The following NTNG1 variants were observed in gnomAD, a reference collection of about 807,000 sequenced individuals.
NTNG1 encodes netrin G1.
In NTNG1, 16 loss-of-function variants were observed where a neutral mutation model predicts 54.0. The observed-to-expected ratio is 0.30, with a 90% CI of 0.20 to 0.45. NTNG1 has a LOEUF of 0.45. NTNG1 is among the 20% of genes least tolerant of loss of function. The probability of loss-of-function intolerance (pLI) is 1.00; values close to 1 mark genes in which losing one functional copy is unlikely to be tolerated. For missense variants in NTNG1, 530 were observed against 678.7 expected, an observed-to-expected ratio of 0.78 and a Z score of 2.43; for synonymous variants, 255 against 263.1, an observed-to-expected ratio of 0.97 and a Z score of 0.30.
intron 2 of NTNG1, among the ~76,000 whole-genome samples, chr1:107,153,116 A>G (rs554767361): frequency 6.6e-6 from 1 of 152,296 alleles, no homozygotes; most frequent in Admixed American, 6.5e-5. Context: ...AGCATATTTC[A>G]TTATGTTCAA....
intron 4 of NTNG1, among the ~76,000 whole-genome samples, chr1:107,401,092 C>T (rs183297179): frequency 6.6e-6 from 1 of 152,302 alleles, no homozygotes; most frequent in Non-Finnish European, 1.5e-5. Context: ...ACACAAGAGC[C>T]TTCAATCTCC....
intron 2 of NTNG1, among the ~76,000 whole-genome samples, chr1:107,302,439 A>G (rs1666382212): frequency 1.3e-5 from 2 of 152,084 alleles, no homozygotes; most frequent in Non-Finnish European, 2.9e-5. Flanking sequence ...GCACCTGTCC[A>G]TTTCAAGAAA....
chr1:107,253,503 A>G (rs1332926866), intron 2 of NTNG1, among the ~76,000 whole-genome samples: 1 of 152,170 alleles, frequency 6.6e-6, no homozygotes, highest in African/African-American at 2.4e-5. Flanking sequence ...CTTGTAACCA[A>G]TTTGTGTGTC....
chr1:107,173,011 G>A, intron 2 of NTNG1, among the ~76,000 whole-genome samples: 1 of 152,072 alleles, frequency 6.6e-6, no homozygotes, highest in Non-Finnish European at 1.5e-5. Context: ...TCTGTTTCCA[G>A]ATTAGTATGA....
chr1:107,353,006 T>A (rs1669718697), intron 3 of NTNG1, among the ~76,000 whole-genome samples: 1 of 152,142 alleles, frequency 6.6e-6, no homozygotes, highest in South Asian at 2.1e-4. Context: ...TCCTCCTAGG[T>A]TTTTGGGCCT....
At chr1:107,421,188 T>A in intron 5 of NTNG1, 1 of 1,289,524 alleles carries the variant, frequency 7.8e-7, no homozygotes, top group Non-Finnish European at 1.1e-6. Flanking sequence ...GTGTTATGTG[T>A]TGTGAAACAT....
intron 2 of NTNG1, among the ~76,000 whole-genome samples, chr1:107,234,262 A>G (rs1443127084): frequency 6.6e-6 from 1 of 152,080 alleles, no homozygotes; most frequent in Non-Finnish European, 1.5e-5. Context: ...AGCTGGGATT[A>G]CAGATACCTG....
At position 107,241,310 on chromosome 1, in the gene NTNG1, A is replaced by G. The variant is rs115129593; in HGVS notation, c.247-82972A>G. Among the ~76,000 whole-genome samples the G allele has an allele frequency of 9.4e-3, 1,425 of 152,272 alleles. 23 individuals are homozygous for G. Among genetic ancestry groups the G allele is most frequent in the African/African-American group, 0.033 (1,355 of 41,552 alleles). ...TTCCCTTAGTTTCCTGCATAATGAC[A>G]TTTGCTCTTTTGATAAATTACTAAT... On this transcript the variant is annotated intron_variant, in intron 2 of 7. Transcript: ENST00000370068.
In NTNG1 at chr1:107,304,498, A is replaced by G. The variant is rs535145262; in HGVS notation, c.247-19784A>G. Among the ~76,000 whole-genome samples, 54 of 152,298 alleles carry G rather than the reference A, an allele frequency of 3.5e-4. 1 individual carries two copies. In the South Asian group the frequency reaches 0.011, roughly 31 times the overall value. On this transcript the variant is annotated intron_variant, in intron 2 of 7. Coordinates refer to ENST00000370068, the MANE Select transcript of NTNG1 (RefSeq NM_001113226.3). ...GATTCAGGAGAGGCACTTCCAGAAAAAGTAACTCCATTTTCTACCCCTTCT... is the reference window on the plus strand; with the variant it reads ...GATTCAGGAGAGGCACTTCCAGAAAGAGTAACTCCATTTTCTACCCCTTCT...
Position 107,484,048 on chromosome 1 carries a change from G to A in NTNG1, c.*3208G>A, listed in dbSNP as rs912117842. ...CTACTCAGATAACCGCCCCCCACACGCACACTTTTAGGCCAAATGTAGGCC... is the reference window on the plus strand; with the variant it reads ...CTACTCAGATAACCGCCCCCCACACACACACTTTTAGGCCAAATGTAGGCC... On this transcript the variant is annotated 3_prime_UTR_variant, in exon 8 of 8. Transcript: ENST00000370068. 1.3e-5 allele frequency among the ~76,000 whole-genome samples: 2 copies of A among 152,124 alleles called. No individual in the cohort carries two copies.
chr1:107,443,870 C>T (rs1570974247), intron 7 of NTNG1, among the ~76,000 whole-genome samples: 1 of 152,124 alleles, frequency 6.6e-6, no homozygotes, highest in East Asian at 1.9e-4. Context: ...TCCCTTGCTA[C>T]ATACATAAGG....
At chr1:107,214,894 A>C (rs1329875924) in intron 2 of NTNG1, among the ~76,000 whole-genome samples, 2 of 150,948 alleles carry the variant, frequency 1.3e-5, no homozygotes, top group African/African-American at 4.9e-5. Flanking sequence ...GATGTTGAGC[A>C]TTGTTTCATA....
intron 3 of NTNG1, among the ~76,000 whole-genome samples, chr1:107,377,183 C>T (rs192967163): frequency 6.6e-6 from 1 of 152,166 alleles, no homozygotes; most frequent in Non-Finnish European, 1.5e-5. Flanking sequence ...TTGATGGAAG[C>T]TTTGGGGAGC....
chr1:107,463,627 T>A (rs1677417046), intron 7 of NTNG1, among the ~76,000 whole-genome samples: 2 of 152,156 alleles, frequency 1.3e-5, no homozygotes, highest in South Asian at 4.1e-4. Context: ...CATTTTTAGC[T>A]ATTTAAGCAT....
chr1:107,260,611 C>G (rs1663249362), intron 2 of NTNG1, among the ~76,000 whole-genome samples: 1 of 152,180 alleles, frequency 6.6e-6, no homozygotes, highest in African/African-American at 2.4e-5. Context: ...CATTACAAAC[C>G]ATGTGTTTCA....
At chr1:107,420,569 T>A (rs1042313349) in intron 5 of NTNG1, among the ~76,000 whole-genome samples, 1 of 152,026 alleles carries the variant, frequency 6.6e-6, no homozygotes, top group African/African-American at 2.4e-5. Context: ...TTTAAAGGTA[T>A]ATGTGTTCAA....
chr1:107,304,938 C>T (rs1666584884), intron 2 of NTNG1, among the ~76,000 whole-genome samples: 1 of 152,144 alleles, frequency 6.6e-6, no homozygotes, highest in South Asian at 2.1e-4. Flanking sequence ...TCCCTGTGTC[C>T]ATGTGTTCTC....
intron 7 of NTNG1, among the ~76,000 whole-genome samples, chr1:107,454,173 C>T (rs1676790676): frequency 6.6e-6 from 1 of 152,166 alleles, no homozygotes; most frequent in South Asian, 2.1e-4. Context: ...CAATACCACA[C>T]AACAGAGAAA....
intron 7 of NTNG1, among the ~76,000 whole-genome samples, chr1:107,469,443 G>T (rs1029444682): frequency 6.6e-6 from 1 of 152,022 alleles, no homozygotes; most frequent in Non-Finnish European, 1.5e-5. Flanking sequence ...TCGGAAACAG[G>T]CATACAACAA....
Sources: allele counts gnomAD v4.1 joint callset (sites outside exome capture counted in the v4.1 genomes callset), GRCh38; gene constraint gnomAD v4.1.1; transcripts MANE v1.5; gene names NCBI Gene and HGNC (gene_info 2026-07-23, HGNC 2026-07-21).